Variants in RUNX2 observed in about 807,000 individuals in gnomAD.
RUNX2 encodes the protein runt-related transcription factor 2.
Under a neutral mutation model 51.7 loss-of-function variants are expected in RUNX2, and 10 were observed. The observed-to-expected ratio is 0.19, with a 90% CI of 0.12 to 0.33. RUNX2 has a LOEUF of 0.33. RUNX2 is among the 10% of genes least tolerant of loss of function. RUNX2 has a pLI of 1.00. For synonymous variants in RUNX2, 276 were observed against 273.6 expected, an observed-to-expected ratio of 1.01 and a Z score of -0.09; for missense variants, 562 against 691.3, an observed-to-expected ratio of 0.81 and a Z score of 2.10.
chr6:45,367,650 A>C (rs1795371590), intron 2 of RUNX2, among the ~76,000 whole-genome samples: 1 of 152,192 alleles, frequency 6.6e-6, no homozygotes, highest in African/African-American at 2.4e-5. Flanking sequence ...TCAAAGAGTA[A>C]GTAGTAACCC....
intron 7 of RUNX2, among the ~76,000 whole-genome samples, chr6:45,534,107 C>T (rs953699891): frequency 5.3e-5 from 8 of 152,012 alleles, no homozygotes; most frequent in African/African-American, 1.9e-4. Flanking sequence ...ATTGGTCAGG[C>T]TGGTCTCAAA....
At chr6:45,478,507 C>G (rs1202923543) in intron 5 of RUNX2, among the ~76,000 whole-genome samples, 1 of 152,174 alleles carries the variant, frequency 6.6e-6, no homozygotes, top group African/African-American at 2.4e-5. Flanking sequence ...AGTAGCAGAG[C>G]TAGGAATAGA....
intron 5 of RUNX2, among the ~76,000 whole-genome samples, chr6:45,472,336 T>C (rs1799827319): frequency 6.6e-6 from 1 of 152,098 alleles, no homozygotes. Flanking sequence ...AGTCTGGGTG[T>C]CAGGAACAAA....
chr6:45,411,677 A>G (rs1041730755), intron 2 of RUNX2, among the ~76,000 whole-genome samples: 1 of 152,170 alleles, frequency 6.6e-6, no homozygotes, highest in Non-Finnish European at 1.5e-5. Context: ...CATCAGCATC[A>G]GAGAAGCCAT....
chr6:45,360,256 G>T (rs1581893294), intron 2 of RUNX2, among the ~76,000 whole-genome samples: 2 of 152,114 alleles, frequency 1.3e-5, no homozygotes, highest in East Asian at 3.8e-4. Context: ...GGGAATAATA[G>T]CATCTACCCT....
At chr6:45,373,473 G>C (rs1421428791) in intron 2 of RUNX2, among the ~76,000 whole-genome samples, 1 of 152,108 alleles carries the variant, frequency 6.6e-6, no homozygotes, top group Non-Finnish European at 1.5e-5. Context: ...GCAGTAGTAT[G>C]GGGTTGTTTT....
intron 4 of RUNX2, among the ~76,000 whole-genome samples, chr6:45,434,532 C>T (rs1188262502): frequency 6.6e-6 from 1 of 152,054 alleles, no homozygotes; most frequent in Non-Finnish European, 1.5e-5. Context: ...TCACTACTGA[C>T]TTTGACTTTA....
At chr6:45,428,436 T>C (rs2150365828) in intron 3 of RUNX2, among the ~76,000 whole-genome samples, 1 of 152,242 alleles carries the variant, frequency 6.6e-6, no homozygotes, top group Non-Finnish European at 1.5e-5. Flanking sequence ...CATCGGGCAA[T>C]CTGATTTGGT....
chr6:45,526,399 C>T (rs1801674887), intron 7 of RUNX2, among the ~76,000 whole-genome samples: 1 of 152,144 alleles, frequency 6.6e-6, no homozygotes, highest in South Asian at 2.1e-4. Flanking sequence ...GATAATTTAT[C>T]TTACTGGAGA....
At chr6:45,363,612 C>T (rs1386157746) in intron 2 of RUNX2, among the ~76,000 whole-genome samples, 1 of 151,898 alleles carries the variant, frequency 6.6e-6, no homozygotes. Context: ...TATTTTTAAA[C>T]ATAATTAACA....
At chr6:45,419,965 G>A (rs912385029) in intron 2 of RUNX2, among the ~76,000 whole-genome samples, 7 of 152,142 alleles carry the variant, frequency 4.6e-5, no homozygotes, top group Non-Finnish European at 7.4e-5. Flanking sequence ...GGGATTTGGG[G>A]AAGAGGCAGG....
At chr6:45,377,607 G>C (rs1288764915) in intron 2 of RUNX2, among the ~76,000 whole-genome samples, 1 of 152,082 alleles carries the variant, frequency 6.6e-6, no homozygotes, top group East Asian at 1.9e-4. Flanking sequence ...TCAACACTCC[G>C]GCGTAGACCA....
chr6:45,367,625 G>A (rs564403702), intron 2 of RUNX2, among the ~76,000 whole-genome samples: 2 of 152,208 alleles, frequency 1.3e-5, no homozygotes, highest in East Asian at 3.9e-4. Context: ...AGCTATCTTC[G>A]AGAACATGTT....
At chr6:45,410,917 G>T (rs932088682) in intron 2 of RUNX2, among the ~76,000 whole-genome samples, 2 of 152,156 alleles carry the variant, frequency 1.3e-5, no homozygotes, top group African/African-American at 4.8e-5. Context: ...TTGGTTAAGG[G>T]TTTATAGTGA....
At chr6:45,338,677 A>G (rs1397764055) in intron 2 of RUNX2, among the ~76,000 whole-genome samples, 2 of 152,156 alleles carry the variant, frequency 1.3e-5, no homozygotes, top group Non-Finnish European at 2.9e-5. Flanking sequence ...ACTGGGCAAT[A>G]TAAATTTGGG....
chr6:45,359,467 T>C (rs1479759795), intron 2 of RUNX2, among the ~76,000 whole-genome samples: 1 of 152,122 alleles, frequency 6.6e-6, no homozygotes, highest in Non-Finnish European at 1.5e-5. Flanking sequence ...AAAAAGTAAA[T>C]GGGTAAGTTT....
At chr6:45,352,733 A>G (rs1354713550) in intron 2 of RUNX2, among the ~76,000 whole-genome samples, 1 of 151,330 alleles carries the variant, frequency 6.6e-6, no homozygotes, top group African/African-American at 2.4e-5. Flanking sequence ...TTAAAATAGA[A>G]CCATTTGATC....
At chr6:45,445,084 G>A (rs1156498176) in intron 5 of RUNX2, among the ~76,000 whole-genome samples, 1 of 152,104 alleles carries the variant, frequency 6.6e-6, no homozygotes, top group East Asian at 1.9e-4. Context: ...GAGTGCAGTG[G>A]CGGGATCTCG....
rs145572759 is a variant in RUNX2 at position 45,462,293 on chromosome 6, C to T, written c.685+24242C>T. Among the ~76,000 whole-genome samples, 5 of 152,208 alleles carry T rather than the reference C, an allele frequency of 3.3e-5. No homozygotes were observed. In the South Asian group the frequency reaches 6.2e-4, roughly 19 times the overall value. On this transcript the variant is annotated intron_variant, in intron 5 of 8. Transcript: ENST00000647337. ...CCTTTCCAGGGAAATAAGAAGGGGG[C>T]GGCATTGGTACTCCACCGTTTACTC...
Sources: allele counts gnomAD v4.1 joint callset (sites outside exome capture counted in the v4.1 genomes callset), GRCh38; gene constraint gnomAD v4.1.1; transcripts MANE v1.5; gene names NCBI Gene and HGNC (gene_info 2026-07-23, HGNC 2026-07-21).